The following SNX14 variants were observed in gnomAD, a reference collection of about 807,000 sequenced individuals.
SNX14 encodes the protein sorting nexin-14.
A neutral mutation model predicts 133.8 loss-of-function variants in SNX14; 93 were observed. The ratio of observed to expected loss-of-function variants is 0.70; its 90% CI spans 0.59 to 0.83. The LOEUF (loss-of-function observed/expected upper bound fraction) is 0.83, where lower values mean the gene tolerates loss of function less well. SNX14 is among the 40% of genes least tolerant of loss of function. SNX14 has a pLI of 0.00. For missense variants in SNX14, 945 were observed against 1,094.9 expected, an observed-to-expected ratio of 0.86 and a Z score of 1.93; for synonymous variants, 368 against 365.6, an observed-to-expected ratio of 1.01 and a Z score of -0.07.
At chr6:85,515,632 A>T (rs1774704663) in intron 23 of SNX14, among the ~76,000 whole-genome samples, 1 of 152,156 alleles carries the variant, frequency 6.6e-6, no homozygotes, top group Non-Finnish European at 1.5e-5. Flanking sequence ...AAGACCATAT[A>T]TTCTATTGGC....
chr6:85,565,249 T>G, intron 6 of SNX14, 83 bp downstream of exon 6: 2 of 766,010 alleles, frequency 2.6e-6, no homozygotes, highest in East Asian at 2.7e-5. Flanking sequence ...ACATTTGCCA[T>G]GTACTCACAA....
At chr6:85,506,374 T>C (rs189616110) in intron 28 of SNX14, among the ~76,000 whole-genome samples, 24 of 152,146 alleles carry the variant, frequency 1.6e-4, no homozygotes, top group Admixed American at 1.5e-3. Flanking sequence ...TGGAGTCTAA[T>C]GGCATGATCT....
intron 16 of SNX14, among the ~76,000 whole-genome samples, chr6:85,537,866 T>C (rs1285897584): frequency 1.3e-5 from 2 of 152,132 alleles, no homozygotes; most frequent in African/African-American, 2.4e-5. Context: ...GAAGAATCAC[T>C]TGGACCCGCA....
intron 4 of SNX14, among the ~76,000 whole-genome samples, chr6:85,571,220 C>T (rs576697927): frequency 1.3e-5 from 2 of 151,808 alleles, no homozygotes; most frequent in Non-Finnish European, 1.5e-5. Flanking sequence ...ATTAGGCGGG[C>T]GTGGTGGTGC....
chr6:85,540,977 A>G (rs1317926685), intron 15 of SNX14, among the ~76,000 whole-genome samples: 2 of 151,890 alleles, frequency 1.3e-5, no homozygotes, highest in African/African-American at 4.8e-5. Flanking sequence ...ATATATAATA[A>G]GTTAAAAGAG....
At chr6:85,537,048 C>A (rs1264974212) in intron 16 of SNX14, 124 bp from the exon 17 acceptor site, 4 of 1,026,320 alleles carry the variant, frequency 3.9e-6, no homozygotes, top group Non-Finnish European at 5.4e-6. Context: ...GTATAGCTAA[C>A]ATAACTTTTG....
chr6:85,525,362 T>G (rs1215755926), intron 21 of SNX14, among the ~76,000 whole-genome samples: 1 of 152,154 alleles, frequency 6.6e-6, no homozygotes, highest in African/African-American at 2.4e-5. Flanking sequence ...TAAAGTTACT[T>G]TGAAATTAAA....
intron 6 of SNX14, among the ~76,000 whole-genome samples, chr6:85,560,157 A>C (rs1791060314): frequency 6.6e-6 from 1 of 152,188 alleles, no homozygotes; most frequent in African/African-American, 2.4e-5. Flanking sequence ...ATAAGTGAAA[A>C]TATATATCCG....
At chr6:85,535,688 T>TA (rs1421190166) in intron 17 of SNX14, among the ~76,000 whole-genome samples, 1 of 150,592 alleles carries the variant, frequency 6.6e-6, no homozygotes, top group Non-Finnish European at 1.5e-5. Context: ...TTTGAATTAA[T>TA]AAAAAAAGGT....
chr6:85,567,492 T>C, intron 5 of SNX14, 42 bp downstream of exon 5: 7 of 1,356,602 alleles, frequency 5.2e-6, no homozygotes, highest in Non-Finnish European at 7.1e-6. Context: ...TTAATAGTAT[T>C]CACTGTATCA....
intron 1 of SNX14, among the ~76,000 whole-genome samples, chr6:85,587,350 C>G (rs982123074): frequency 6.6e-6 from 1 of 151,864 alleles, no homozygotes; most frequent in South Asian, 2.1e-4. Context: ...CAAGACAGAT[C>G]AAGGATACAA....
Position 85,546,637 on chromosome 6 carries a change from C to T in SNX14, c.1108+475G>A, listed in dbSNP as rs150921683. Among the ~76,000 whole-genome samples, 5 of 151,980 alleles carry T rather than the reference C, an allele frequency of 3.3e-5. No individual in the cohort carries two copies. The East Asian group carries it at 9.7e-4, about 29-fold the overall frequency. ...ATTTCCCAATCTGGAAAGAAGTGGG[C>T]ACTTGAGAGAAACCCACATATGCTC... On this transcript the variant is annotated intron_variant, in intron 12 of 28. Coordinates refer to ENST00000314673, the MANE Select transcript of SNX14 (RefSeq NM_153816.6).
At chr6:85,563,112 CT>C (rs1401081684) in intron 6 of SNX14, among the ~76,000 whole-genome samples, 2 of 151,792 alleles carry the variant, frequency 1.3e-5, no homozygotes, top group African/African-American at 2.4e-5. Flanking sequence ...CATTTTGTAT[CT>C]TTTTTTTGTG....
Position 85,518,009 on chromosome 6 carries a change from T to G in SNX14, c.2147A>C (p.Glu716Ala). Reference protein sequence around the residue: ...IKSVPGKLMKEKGQHLEPFIM... With the variant: ...IKSVPGKLMKAKGQHLEPFIM... The stretch of plus-strand genomic sequence containing the variant: ...AACACACATAAATCAGTTACTCACC[T>G]CTTTCATTAGTTTTCCAGGAACAGA... The change falls in exon 22 of 29, where the codon GAG becomes GCG. Residue 716 changes from glutamate (E) to alanine (A), a missense_variant and splice_region_variant. Around this residue, in one of 3 missense-constraint regions of SNX14, gnomAD observed 412 missense variants for 516.6 expected, o/e 0.80. Coordinates refer to ENST00000314673, the MANE Select transcript of SNX14 (RefSeq NM_153816.6). The G allele has an allele frequency of 6.2e-7, 1 of 1,603,138 alleles. No individual in the cohort carries two copies. The highest frequency in any genetic ancestry group is 1.1e-5 in the South Asian group (1 of 88,544).
intron 17 of SNX14, among the ~76,000 whole-genome samples, chr6:85,535,013 T>C (rs1781461179): frequency 6.8e-6 from 1 of 147,490 alleles, no homozygotes. Flanking sequence ...TCTGATCTAC[T>C]TTCTTCTATC....
At chr6:85,549,619 A>C (rs954406449) in intron 8 of SNX14, 104 bp downstream of exon 8, 1 of 917,104 alleles carries the variant, frequency 1.1e-6, no homozygotes, top group African/African-American at 1.7e-5. Flanking sequence ...AAAGCTATTC[A>C]TAGGCTAACC....
At chr6:85,535,339 G>C (rs562928525) in intron 17 of SNX14, among the ~76,000 whole-genome samples, 1 of 151,836 alleles carries the variant, frequency 6.6e-6, no homozygotes, top group South Asian at 2.1e-4. Context: ...CCAAGGCTGG[G>C]TGCAGTGGTT....
rs1168179397 is a variant in SNX14 at position 85,514,055 on chromosome 6, T to C, written c.2557+15A>G. 6.3e-7 allele frequency: 1 copy of C among 1,594,768 alleles called. No individual in the cohort carries two copies. Among genetic ancestry groups the C allele is most frequent in the East Asian group, 2.2e-5 (1 of 44,748 alleles). ...GTACACAAAATATGAAACAAACACA[T>C]TAGAAAATACAAACCTCTGAGAAGT... On this transcript the variant is annotated intron_variant, in intron 25 of 28. Coordinates refer to ENST00000314673, the MANE Select transcript of SNX14 (RefSeq NM_153816.6).
intron 27 of SNX14, among the ~76,000 whole-genome samples, chr6:85,507,709 T>G (rs553856689): frequency 6.6e-6 from 1 of 152,210 alleles, no homozygotes; most frequent in Non-Finnish European, 1.5e-5. Context: ...AATTTTTTAC[T>G]GTATTTCATG....
Sources: allele counts gnomAD v4.1 joint callset (sites outside exome capture counted in the v4.1 genomes callset), GRCh38; gene constraint gnomAD v4.1.1; regional missense constraint gnomAD v4.1.1; transcripts MANE v1.5; gene names NCBI Gene and HGNC (gene_info 2026-07-23, HGNC 2026-07-21).